DLG2: variants seen among roughly 807,000 people sequenced by gnomAD.
The protein encoded by DLG2 is discs large MAGUK scaffold protein 2, also known as disks large homolog 2.
Under a neutral mutation model 132.5 loss-of-function variants are expected in DLG2, and 45 were observed. The ratio of observed to expected loss-of-function variants is 0.34; its 90% CI spans 0.27 to 0.44. The LOEUF (loss-of-function observed/expected upper bound fraction) is 0.44. Among genes scored for constraint, DLG2 ranks in the 20% least tolerant of loss-of-function variants. The pLI, the probability that DLG2 is intolerant of heterozygous loss-of-function variation, is 1.00. For synonymous variants in DLG2, 424 were observed against 419.6 expected (o/e 1.01, Z -0.13); for missense variants, 1,045 against 1,196.9 (o/e 0.87, Z 1.87).
intron 4 of DLG2, among the ~76,000 whole-genome samples, chr11:85,176,153 C>A (rs1171997972): frequency 6.6e-6 from 1 of 152,002 alleles, no homozygotes; most frequent in Non-Finnish European, 1.5e-5. Context: ...CCTGGATAAC[C>A]AACACAATCC....
rs563875607 is a variant in DLG2 at position 84,430,220 on chromosome 11, A to G, written c.519+104350T>C. Among the ~76,000 whole-genome samples, 54 of 152,142 alleles carry G rather than the reference A, an allele frequency of 3.5e-4. 1 individual carries two copies. In the South Asian group the frequency reaches 0.011, roughly 30 times the overall value. ...TGGGAGTCCAAGGCAGGTAGATCAC[A>G]AGGTCAGGAGATCGAGACCATCCTG... On this transcript the variant is annotated intron_variant, in intron 7 of 27. Coordinates refer to ENST00000376104, the MANE Select transcript of DLG2 (RefSeq NM_001142699.3).
chr11:84,346,805 T>C (rs1387941708), intron 7 of DLG2, among the ~76,000 whole-genome samples: 2 of 152,166 alleles, frequency 1.3e-5, no homozygotes, highest in African/African-American at 4.8e-5. Context: ...CTCAATCTCC[T>C]GACCTCGTGA....
At chr11:85,222,766 G>A (rs17148049) in intron 4 of DLG2, among the ~76,000 whole-genome samples, 11,400 of 152,226 alleles carry the variant, frequency 0.075, 494 homozygotes, top group African/African-American at 0.11. Context: ...TTGCTGAATT[G>A]CAGCTTTCAT....
intron 7 of DLG2, among the ~76,000 whole-genome samples, chr11:84,358,687 G>A (rs1046977256): frequency 6.6e-6 from 1 of 151,842 alleles, no homozygotes; most frequent in Admixed American, 6.6e-5. Context: ...GTCAGGAAAT[G>A]TTCTGTTCCA....
chr11:84,685,565 T>C (rs2099737395), intron 6 of DLG2, among the ~76,000 whole-genome samples: 1 of 152,236 alleles, frequency 6.6e-6, no homozygotes, highest in African/African-American at 2.4e-5. Flanking sequence ...ACTCCTGTTC[T>C]AATGAGCTTG....
intron 6 of DLG2, among the ~76,000 whole-genome samples, chr11:84,719,960 A>T (rs2061612412): frequency 6.6e-6 from 1 of 152,114 alleles, no homozygotes; most frequent in Non-Finnish European, 1.5e-5. Context: ...GGAGCTCCCA[A>T]ATTAGCAGTC....
At chr11:84,194,936 G>C (rs12800591) in intron 8 of DLG2, among the ~76,000 whole-genome samples, 10 of 152,144 alleles carry the variant, frequency 6.6e-5, no homozygotes, top group Non-Finnish European at 1.5e-4. Flanking sequence ...CGTCCTGGCC[G>C]CGTGCAGCCT....
intron 8 of DLG2, among the ~76,000 whole-genome samples, chr11:84,198,297 A>G (rs1413411406): frequency 1.3e-5 from 2 of 152,162 alleles, no homozygotes; most frequent in Non-Finnish European, 2.9e-5. Context: ...TAATACCATA[A>G]TACTTTCACC....
chr11:84,853,007 C>A (rs1158589344), intron 6 of DLG2, among the ~76,000 whole-genome samples: 1 of 151,976 alleles, frequency 6.6e-6, no homozygotes, highest in Non-Finnish European at 1.5e-5. Flanking sequence ...ATTTATTTTG[C>A]ACCTACTATG....
intron 3 of DLG2, among the ~76,000 whole-genome samples, chr11:85,355,102 A>G (rs1229483269): frequency 6.6e-6 from 1 of 152,160 alleles, no homozygotes; most frequent in Non-Finnish European, 1.5e-5. Context: ...GTTATAATAC[A>G]TGAAATTTTT....
intron 6 of DLG2, among the ~76,000 whole-genome samples, chr11:85,101,837 C>T (rs1235915888): frequency 6.6e-6 from 1 of 152,040 alleles, no homozygotes; most frequent in African/African-American, 2.4e-5. Flanking sequence ...TTAAAGAAAG[C>T]CCATTATTAA....
chr11:84,107,462 T>G (rs2093042757), intron 9 of DLG2, among the ~76,000 whole-genome samples: 2 of 144,310 alleles, frequency 1.4e-5, no homozygotes, highest in Admixed American at 1.4e-4. Flanking sequence ...GTAGATCTTT[T>G]TCTTTTGTCA....
chr11:85,546,642 C>T (rs2076344098), intron 3 of DLG2, among the ~76,000 whole-genome samples: 1 of 152,064 alleles, frequency 6.6e-6, no homozygotes, highest in Admixed American at 6.6e-5. Context: ...CTTTGTGTGT[C>T]TCTAAGAACT....
intron 16 of DLG2, among the ~76,000 whole-genome samples, chr11:83,849,033 A>G (rs948449294): frequency 2.6e-5 from 4 of 152,176 alleles, no homozygotes; most frequent in African/African-American, 9.6e-5. Context: ...CAAAAAATAT[A>G]TCTATTCAAT....
chr11:83,798,373 G>C (rs2043399094), intron 17 of DLG2, among the ~76,000 whole-genome samples: 1 of 152,140 alleles, frequency 6.6e-6, no homozygotes, highest in Non-Finnish European at 1.5e-5. Context: ...TTTGGTACAT[G>C]GTAGGTACTT....
chr11:84,554,629 T>G (rs1047822435), intron 6 of DLG2, among the ~76,000 whole-genome samples: 1 of 151,904 alleles, frequency 6.6e-6, no homozygotes, highest in Admixed American at 6.6e-5. Flanking sequence ...GCCTGTAATC[T>G]CAGCCACTCG....
At position 83,458,072 on chromosome 11, in the gene DLG2, C is replaced by T. The variant is rs945541384; in HGVS notation, c.*1746G>A. On this transcript the variant is annotated 3_prime_UTR_variant, in exon 28 of 28. Transcript: ENST00000376104. ...CTCTGATGGCTCTATCTCTTGCTCTCCTACCCAGCCTACATGCTGGTTTGC... is the reference window on the plus strand; with the variant it reads ...CTCTGATGGCTCTATCTCTTGCTCTTCTACCCAGCCTACATGCTGGTTTGC... 8 of 152,650 alleles carry T rather than the reference C, an allele frequency of 5.2e-5. No homozygotes were observed. Among genetic ancestry groups the T allele is most frequent in the African/African-American group, 1.7e-4 (7 of 41,456 alleles). The allele number at this position is 152,650 out of a possible 1,614,324, so 9.5% of individuals were successfully genotyped here.
chr11:84,633,817 G>A (rs778502426), intron 6 of DLG2, among the ~76,000 whole-genome samples: 14 of 152,170 alleles, frequency 9.2e-5, no homozygotes, highest in Middle Eastern at 3.4e-3. Flanking sequence ...ACACACACTG[G>A]CCTGCTCTCG....
chr11:84,153,875 T>A (rs2095364766), intron 9 of DLG2, among the ~76,000 whole-genome samples: 1 of 152,242 alleles, frequency 6.6e-6, no homozygotes, highest in African/African-American at 2.4e-5. Context: ...CTGTTGCAAT[T>A]ATTTGGAGGT....
Sources: allele counts gnomAD v4.1 joint callset (sites outside exome capture counted in the v4.1 genomes callset), GRCh38; gene constraint gnomAD v4.1.1; transcripts MANE v1.5; gene names NCBI Gene and HGNC (gene_info 2026-07-23, HGNC 2026-07-21).